LRCH2: variants seen among roughly 807,000 people sequenced by gnomAD.
LRCH2 encodes the protein leucine-rich repeat and calponin homology domain-containing protein 2.
In LRCH2, 38 loss-of-function variants were observed where a neutral mutation model predicts 68.9. The observed-to-expected ratio is 0.55, with a 90% confidence interval of 0.43 to 0.72. The LOEUF (loss-of-function observed/expected upper bound fraction) is 0.72. LRCH2 is among the 30% of genes least tolerant of loss of function. The pLI is 0.00. For synonymous variants in LRCH2, 191 were observed against 208.1 expected (o/e 0.92, Z 0.71); for missense variants, 528 against 572.9 (o/e 0.92, Z 0.80).
intron 5 of LRCH2, among the ~76,000 whole-genome samples, chrX:115,175,953 G>A (rs6655350): frequency 0.025 from 2,761 of 111,820 alleles, 91 homozygotes; most frequent in African/African-American, 0.086. Flanking sequence ...AGAAGTATAG[G>A]TGAGCAGTCT....
intron 1 of LRCH2, chrX:115,191,364 C>G (rs2072815643): frequency 3.5e-6 from 4 of 1,147,307 alleles, no homozygotes; most frequent in Non-Finnish European, 4.6e-6. Flanking sequence ...TTGATGCCAA[C>G]AGTGGAGGCC....
In LRCH2 at chrX:115,192,380, G is replaced by A. The variant is rs782499670; in HGVS notation, c.350-4010C>T. On this transcript the variant is annotated intron_variant, in intron 1 of 20. Transcript: ENST00000317135. ...GGCCTGAGCGACCGCTACGGAGGAG[G>A]AGGCCACTACGAGGAGTACCAGGGC... 173 of 1,158,840 alleles carry A rather than the reference G, an allele frequency of 1.5e-4. No individual in the cohort carries two copies. The highest frequency in any genetic ancestry group is 1.9e-4 in the Non-Finnish European group (169 of 867,274).
chrX:115,148,267 A>G (rs184415237), intron 14 of LRCH2, among the ~76,000 whole-genome samples: 1 of 111,770 alleles, frequency 8.9e-6, no homozygotes, highest in East Asian at 2.8e-4. Context: ...CATCTGTAAA[A>G]CAGAAATAGT....
intron 2 of LRCH2, among the ~76,000 whole-genome samples, chrX:115,186,081 C>A (rs782310427): frequency 1.8e-5 from 2 of 111,821 alleles, no homozygotes; most frequent in Non-Finnish European, 3.8e-5. Flanking sequence ...ATATTCAGGC[C>A]GGTCACAATG....
intron 1 of LRCH2, among the ~76,000 whole-genome samples, chrX:115,233,429 A>ACC (rs1434881215): frequency 9.0e-6 from 1 of 111,595 alleles, no homozygotes; most frequent in Non-Finnish European, 1.9e-5. Flanking sequence ...TCCCACCCAA[A>ACC]CTGGGGAAAC....
rs1304491806 is a variant in LRCH2, at chrX:115,220,076, A to G, written c.349+13617T>C. Among the ~76,000 whole-genome samples the G allele has an allele frequency of 2.7e-5, 3 of 112,343 alleles. No homozygotes were observed. In the East Asian group the frequency reaches 8.4e-4, roughly 31 times the overall value. ...TTTCAGAGAGTCATAGCATTGAACC[A>G]AACACTGTCGAGAATTTATATAGAG... On this transcript the variant is annotated intron_variant, in intron 1 of 20. Coordinates refer to ENST00000317135, the MANE Select transcript of LRCH2 (RefSeq NM_020871.4).
At chrX:115,190,878 G>A (rs1413686547) in intron 1 of LRCH2, 2 of 1,153,757 alleles carry the variant, frequency 1.7e-6, no homozygotes, top group Non-Finnish European at 2.3e-6. Context: ...GCCGCTCGCT[G>A]GATGCCAACA....
At position 115,170,307 on chromosome X, in the gene LRCH2, G is replaced by A; in HGVS notation, c.990C>T (p.Leu330=). Residue 330 remains leucine, a synonymous_variant, in exon 6 of 21, where the codon CTC becomes CTT. Coordinates refer to ENST00000317135, the MANE Select transcript of LRCH2 (RefSeq NM_020871.4). ...SLSKRMPSQP[L]TDSMEDFYPN... is the part of the protein sequence containing the mutation. ...TAAGAATGTTACATTACCTGTCTGT[G>A]AGAGGCTGTGAGGGCATTCGTTTAC... is the stretch of plus-strand genomic sequence containing the variant. 1 of 1,172,998 alleles carries A rather than the reference G, an allele frequency of 8.5e-7. No individual in the cohort carries two copies.
chrX:115,131,695 C>T (rs782044462), intron 14 of LRCH2, among the ~76,000 whole-genome samples: 39 of 111,708 alleles, frequency 3.5e-4, no homozygotes, highest in African/African-American at 9.7e-4. Flanking sequence ...TCTTCCACAA[C>T]GGTTGAACTA....
At chrX:115,169,017 A>G (rs1603054189) in intron 6 of LRCH2, among the ~76,000 whole-genome samples, 1 of 112,059 alleles carries the variant, frequency 8.9e-6, no homozygotes, top group African/African-American at 3.2e-5. Flanking sequence ...TTGAACACAC[A>G]AAGTTCCTTC....
intron 14 of LRCH2, among the ~76,000 whole-genome samples, chrX:115,135,524 T>C (rs202214528): frequency 1.8e-5 from 2 of 111,473 alleles, no homozygotes; most frequent in African/African-American, 6.5e-5. Context: ...GCAAAAAAGG[T>C]AGGGATTTTT....
chrX:115,121,265 C>A (rs1440746259), intron 20 of LRCH2, among the ~76,000 whole-genome samples: 3 of 110,751 alleles, frequency 2.7e-5, no homozygotes, highest in Non-Finnish European at 5.7e-5. Flanking sequence ...AATGTAATGG[C>A]TGCAGAAAAC....
intron 5 of LRCH2, among the ~76,000 whole-genome samples, chrX:115,174,730 T>C (rs912053694): frequency 8.1e-5 from 9 of 111,073 alleles, no homozygotes; most frequent in Non-Finnish European, 1.5e-4. Context: ...TTCTTTAAGA[T>C]GGTGATTTCA....
rs1192114885 is a variant in LRCH2, at chrX:115,110,940, T to G, written c.*2276A>C. 7 of 112,108 alleles carry G rather than the reference T, an allele frequency of 6.2e-5. No individual in the cohort carries two copies. Among genetic ancestry groups the G allele is most frequent in the African/African-American group, 9.7e-5 (3 of 30,884 alleles). 9.2% of individuals were successfully genotyped at this position (112,108 alleles called of 1,213,427 possible). A position where few individuals can be genotyped will look rare whatever the true frequency, so the allele number is the denominator to read the frequency against. Reference sequence around the variant, plus strand: ...GGCCTAATAAAATATTTTTGATTATTCAACTGTCATTAAATCACAAATCCC... The same window carrying G: ...GGCCTAATAAAATATTTTTGATTATGCAACTGTCATTAAATCACAAATCCC... On this transcript the variant is annotated 3_prime_UTR_variant, in exon 21 of 21. Transcript: ENST00000317135.
At chrX:115,140,344 G>A (rs2072325737) in intron 14 of LRCH2, among the ~76,000 whole-genome samples, 1 of 107,972 alleles carries the variant, frequency 9.3e-6, no homozygotes, top group Non-Finnish European at 1.9e-5. Context: ...CTTGGGCCCT[G>A]AATAACCAGC....
intron 17 of LRCH2, among the ~76,000 whole-genome samples, chrX:115,123,470 A>G (rs1383535450): frequency 1.8e-5 from 2 of 112,157 alleles, no homozygotes; most frequent in Non-Finnish European, 3.8e-5. Context: ...TGATTACTGA[A>G]CATATGTCAG....
intron 1 of LRCH2, among the ~76,000 whole-genome samples, chrX:115,222,468 T>C: frequency 8.9e-6 from 1 of 111,795 alleles, no homozygotes; most frequent in Admixed American, 9.5e-5. Context: ...TAAAACTATC[T>C]CTATTTGCAG....
intron 1 of LRCH2, among the ~76,000 whole-genome samples, chrX:115,207,071 TAAAGGAGC>T (rs1556568507): frequency 2.1e-4 from 23 of 111,609 alleles, no homozygotes; most frequent in Non-Finnish European, 3.9e-4. Context: ...TGATATACAA[TAAAGGAGC>T]TTTTTAAACA....
At chrX:115,161,930 G>GTTTTT (rs71986178) in intron 11 of LRCH2, among the ~76,000 whole-genome samples, 1 of 82,803 alleles carries the variant, frequency 1.2e-5, no homozygotes, top group Non-Finnish European at 2.2e-5. Flanking sequence ...AGGCCTGTCG[G>GTTTTT]TTTTTTTTTT....
Sources: allele counts gnomAD v4.1 joint callset (sites outside exome capture counted in the v4.1 genomes callset), GRCh38; gene constraint gnomAD v4.1.1; transcripts MANE v1.5; gene names NCBI Gene and HGNC (gene_info 2026-07-23, HGNC 2026-07-21).